Variants in SPAG16 observed in about 807,000 individuals in gnomAD.
The protein encoded by SPAG16 is sperm-associated antigen 16 protein.
In SPAG16, 86 loss-of-function variants were observed where a neutral mutation model predicts 80.4. The observed-to-expected ratio is 1.07, with a 90% CI of 0.90 to 1.28. The LOEUF (loss-of-function observed/expected upper bound fraction) is 1.28, where lower values mean the gene tolerates loss of function less well. Among genes scored for constraint, SPAG16 ranks in the 50% most tolerant of loss-of-function variants. The pLI, the probability that SPAG16 is intolerant of heterozygous loss-of-function variation, is 0.00. For missense variants in SPAG16, 870 were observed against 765.3 expected (o/e 1.14, Z -1.61); for synonymous variants, 294 against 265.9 (o/e 1.11, Z -1.03).
chr2:213,591,636 T>G (rs1420284165), intron 10 of SPAG16, among the ~76,000 whole-genome samples: 1 of 152,144 alleles, frequency 6.6e-6, no homozygotes, highest in Non-Finnish European at 1.5e-5. Context: ...GCAATGAGGT[T>G]TTGTGGTGGG....
intron 9 of SPAG16, among the ~76,000 whole-genome samples, chr2:213,398,547 TTCTG>T (rs2068157913): frequency 6.6e-6 from 1 of 152,186 alleles, no homozygotes; most frequent in Non-Finnish European, 1.5e-5. Context: ...AGTTTTTATC[TTCTG>T]TCTGTGTTAT....
chr2:213,466,589 C>A (rs1375678316), intron 9 of SPAG16, among the ~76,000 whole-genome samples: 2 of 152,112 alleles, frequency 1.3e-5, no homozygotes, highest in Non-Finnish European at 2.9e-5. Flanking sequence ...CCTTTATTCA[C>A]CTGTTGCCCT....
chr2:213,917,292 A>G lies in SPAG16; in HGVS notation c.1215-12668A>G, dbSNP rs146135708. ...TTTGGTTCTATAGGAATTTTAAAATATTTTCTAATTCTGTGAAGAATATCA... is the reference window on the plus strand; with the variant it reads ...TTTGGTTCTATAGGAATTTTAAAATGTTTTCTAATTCTGTGAAGAATATCA... On this transcript the variant is annotated intron_variant, in intron 11 of 15. Coordinates refer to ENST00000331683, the MANE Select transcript of SPAG16 (RefSeq NM_024532.5). Among the ~76,000 whole-genome samples the G allele has an allele frequency of 3.3e-5, 5 of 151,968 alleles. No homozygotes were observed. In the East Asian group the frequency reaches 7.7e-4, roughly 23 times the overall value.
intron 15 of SPAG16, among the ~76,000 whole-genome samples, chr2:214,372,381 T>G (rs1699879024): frequency 1.3e-5 from 2 of 152,184 alleles, no homozygotes; most frequent in Non-Finnish European, 1.5e-5. Flanking sequence ...AGCTGCAAAT[T>G]TAAACAAGAT....
At chr2:213,335,489 A>G (rs1330524278) in intron 5 of SPAG16, among the ~76,000 whole-genome samples, 3 of 152,244 alleles carry the variant, frequency 2.0e-5, no homozygotes, top group Non-Finnish European at 4.4e-5. Flanking sequence ...CAGAAGCAAT[A>G]CAATAACAAA....
chr2:213,703,716 G>T (rs1307989884), intron 10 of SPAG16, among the ~76,000 whole-genome samples: 1 of 152,178 alleles, frequency 6.6e-6, no homozygotes, highest in African/African-American at 2.4e-5. Flanking sequence ...TCTCCTCAGA[G>T]TAACCTCAGT....
chr2:214,173,638 C>T (rs896790569), intron 15 of SPAG16, among the ~76,000 whole-genome samples: 5 of 151,918 alleles, frequency 3.3e-5, no homozygotes, highest in Non-Finnish European at 5.9e-5. Context: ...ACGAATTCTA[C>T]CAGAGCTACA....
chr2:213,989,682 G>A (rs975277724), intron 12 of SPAG16, among the ~76,000 whole-genome samples: 3 of 152,010 alleles, frequency 2.0e-5, no homozygotes, highest in South Asian at 4.1e-4. Context: ...TCCTTAATAG[G>A]CAAATAAAGA....
intron 13 of SPAG16, among the ~76,000 whole-genome samples, chr2:214,048,114 G>T (rs1002605500): frequency 6.6e-6 from 1 of 152,106 alleles, no homozygotes; most frequent in Non-Finnish European, 1.5e-5. Flanking sequence ...TAATACAACC[G>T]CTATAGAGAA....
At chr2:213,743,989 T>C (rs1171352289) in intron 10 of SPAG16, among the ~76,000 whole-genome samples, 6 of 152,222 alleles carry the variant, frequency 3.9e-5, no homozygotes, top group Admixed American at 1.3e-4. Flanking sequence ...CTTGCATGCT[T>C]AGTTATATTT....
chr2:213,554,592 T>C (rs537116260), intron 10 of SPAG16, among the ~76,000 whole-genome samples: 2 of 152,080 alleles, frequency 1.3e-5, no homozygotes, highest in African/African-American at 4.8e-5. Context: ...TTCGGTGAAC[T>C]TCAATAAAAT....
At chr2:214,284,752 C>A (rs1249989767) in intron 15 of SPAG16, among the ~76,000 whole-genome samples, 4 of 151,802 alleles carry the variant, frequency 2.6e-5, no homozygotes, top group African/African-American at 9.7e-5. Flanking sequence ...ACCAAATTAT[C>A]TTTTATCCAA....
intron 15 of SPAG16, chr2:214,240,735 C>T (rs1298255173): frequency 6.6e-6 from 1 of 152,042 alleles, no homozygotes; most frequent in East Asian, 1.9e-4. Flanking sequence ...TAATGCAAAT[C>T]AGTCATCATA....
chr2:213,862,534 C>T lies in SPAG16; in HGVS notation c.1120C>T (p.Arg374Ter), dbSNP rs752099484. 14 of 1,614,132 alleles carry T rather than the reference C, an allele frequency of 8.7e-6. 1 individual carries two copies. In the South Asian group the frequency reaches 9.9e-5, roughly 11 times the overall value. ...CATCCTAGTCTCCTGTGGCGAGGACCGACTCTGGAAGGTGTTGGGCCTTCC... is the reference window on the plus strand; with the variant it reads ...CATCCTAGTCTCCTGTGGCGAGGACTGACTCTGGAAGGTGTTGGGCCTTCC... ...KDILVSCGED[R>*]LWKVLGLPKC... is the part of the protein sequence containing the mutation. The change falls in exon 11 of 16, where the codon CGA becomes TGA. Residue 374 changes from arginine (R) to a stop codon, truncating the protein, a stop_gained. Coordinates refer to ENST00000331683, the MANE Select transcript of SPAG16 (RefSeq NM_024532.5). LOFTEE classifies it high-confidence loss of function.
intron 9 of SPAG16, among the ~76,000 whole-genome samples, chr2:213,483,968 C>A (rs2073864530): frequency 6.6e-6 from 1 of 152,094 alleles, no homozygotes; most frequent in African/African-American, 2.4e-5. Flanking sequence ...TCTTTTATCT[C>A]TGTTCGTTAG....
At chr2:213,911,781 TA>T (rs2077682275) in intron 11 of SPAG16, among the ~76,000 whole-genome samples, 1 of 137,860 alleles carries the variant, frequency 7.3e-6, no homozygotes, top group Admixed American at 7.7e-5. Flanking sequence ...AAATTACAGT[TA>T]AATTAGAAAG....
At chr2:213,307,987 T>C (rs2063023545) in intron 3 of SPAG16, among the ~76,000 whole-genome samples, 5 of 152,188 alleles carry the variant, frequency 3.3e-5, no homozygotes, top group Admixed American at 3.3e-4. Flanking sequence ...TGTATAACCA[T>C]TAACAGCTTG....
intron 10 of SPAG16, among the ~76,000 whole-genome samples, chr2:213,553,706 T>C (rs2059330583): frequency 6.6e-6 from 1 of 152,140 alleles, no homozygotes; most frequent in Admixed American, 6.5e-5. Flanking sequence ...GGCGTGATCA[T>C]GTTTCATATA....
At position 213,972,137 on chromosome 2, in the gene SPAG16, T is replaced by A. The variant is rs934179883; in HGVS notation, c.1401-41814T>A. 6.6e-5 allele frequency among the ~76,000 whole-genome samples: 10 copies of A among 151,978 alleles called. 1 individual carries two copies. Among genetic ancestry groups the A allele is most frequent in the Admixed American group, 5.9e-4 (9 of 15,256 alleles). On this transcript the variant is annotated intron_variant, in intron 12 of 15. Coordinates refer to ENST00000331683, the MANE Select transcript of SPAG16 (RefSeq NM_024532.5). Reference sequence around the variant, plus strand: ...GTTACCATTGTGATTTTGAATTGCATTTTCCTAATGATGAAAAATGTTGAG... The same window carrying A: ...GTTACCATTGTGATTTTGAATTGCAATTTCCTAATGATGAAAAATGTTGAG...
Sources: allele counts gnomAD v4.1 joint callset (sites outside exome capture counted in the v4.1 genomes callset), GRCh38; gene constraint gnomAD v4.1.1; transcripts MANE v1.5; gene names NCBI Gene and HGNC (gene_info 2026-07-23, HGNC 2026-07-21).